The following FBXO17 variants were observed in gnomAD, a reference collection of about 807,000 sequenced individuals.
FBXO17 encodes F-box only protein 17.
A neutral mutation model predicts 34.1 loss-of-function variants in FBXO17; 43 were observed. The ratio of observed to expected loss-of-function variants is 1.26; its 90% CI spans 0.99 to 1.62. The LOEUF (loss-of-function observed/expected upper bound fraction) is 1.62. FBXO17 is among the 40% of genes most tolerant of loss of function. The pLI, the probability that FBXO17 is intolerant of heterozygous loss-of-function variation, is 0.00. For synonymous variants in FBXO17, 169 were observed against 166.0 expected, an observed-to-expected ratio of 1.02 and a Z score of -0.14; for missense variants, 424 against 386.7, an observed-to-expected ratio of 1.10 and a Z score of -0.81.
chr19:38,952,850 C>G (rs547940009), intron 1 of FBXO17: 1 of 456,962 alleles, frequency 2.2e-6, no homozygotes, highest in South Asian at 1.5e-5. Flanking sequence ...CCACCCATCA[C>G]TTTTTCTTTC....
At chr19:38,947,928 T>C (rs1049249345) in intron 3 of FBXO17, among the ~76,000 whole-genome samples, 1 of 151,438 alleles carries the variant, frequency 6.6e-6, no homozygotes. Context: ...TTGCCAGAAT[T>C]ATATGTAAAG....
intron 5 of FBXO17, 141 bp from the exon 6 acceptor site, chr19:38,942,892 A>C: frequency 1.0e-5 from 10 of 996,842 alleles, no homozygotes; most frequent in Admixed American, 3.8e-5. Context: ...AAAACCGGAA[A>C]AGGACCCCGC....
chr19:38,949,018 C>T (rs1203284135), intron 2 of FBXO17, among the ~76,000 whole-genome samples: 2 of 152,210 alleles, frequency 1.3e-5, no homozygotes, highest in African/African-American at 4.8e-5. Context: ...CAGCCTCAAA[C>T]TCCTGGGCTC....
intron 1 of FBXO17, among the ~76,000 whole-genome samples, chr19:38,973,574 T>C (rs1348279453): frequency 7.9e-5 from 12 of 152,306 alleles, no homozygotes; most frequent in Non-Finnish European, 4.4e-5. Flanking sequence ...ACTTTTATTA[T>C]AGAAAAAATT....
chr19:38,942,773 G>C (rs1012003844), intron 5 of FBXO17, 22 bp from the exon 6 acceptor site: 8 of 1,591,836 alleles, frequency 5.0e-6, no homozygotes, highest in African/African-American at 2.7e-5. Context: ...AGGGGAGTGA[G>C]AGGGTGAGGG....
intron 1 of FBXO17, among the ~76,000 whole-genome samples, chr19:38,953,588 G>C (rs1356563377): frequency 6.6e-6 from 1 of 151,962 alleles, no homozygotes; most frequent in African/African-American, 2.4e-5. Flanking sequence ...TTGAACCCAG[G>C]AGGCAGAGGT....
chr19:38,950,980 CG>C (rs1457043759), intron 1 of FBXO17, among the ~76,000 whole-genome samples: 1 of 151,518 alleles, frequency 6.6e-6, no homozygotes, highest in Non-Finnish European at 1.5e-5. Context: ...TTAGTAGAGA[CG>C]GGGTTTCACC....
chr19:38,963,234 G>A (rs1228931022), intron 1 of FBXO17, among the ~76,000 whole-genome samples: 1 of 151,726 alleles, frequency 6.6e-6, no homozygotes, highest in African/African-American at 2.4e-5. Context: ...TCCTTGAGTT[G>A]TAGGCATGGC....
At chr19:38,952,531 T>C (rs1380261082) in intron 1 of FBXO17, 3 of 534,452 alleles carry the variant, frequency 5.6e-6, no homozygotes, top group Admixed American at 1.9e-5. Flanking sequence ...CCATTCTCCC[T>C]CCACCCTCCC....
chr19:38,975,121 T>C lies in FBXO17; in HGVS notation c.-18+465A>G, dbSNP rs555991165. 6.5e-4 allele frequency among the ~76,000 whole-genome samples: 99 copies of C among 152,286 alleles called. No homozygotes were observed. The highest frequency in any genetic ancestry group is 1.7e-3 in the South Asian group (8 of 4,824). On this transcript the variant is annotated intron_variant, in intron 1 of 5. Coordinates refer to ENST00000292852, the MANE Select transcript of FBXO17 (RefSeq NM_024907.7). This position sits in a 1 kb window ranked among gnomAD's most constrained non-coding sequence, Gnocchi z 4.9. ...AGCGAAACACATAATGTGCCCAAGT[T>C]GCTAAATCGAGAAACCGCCCTCCAA...
At chr19:38,946,441 G>A in intron 4 of FBXO17, 31 bp downstream of exon 4, 8 of 1,613,482 alleles carry the variant, frequency 5.0e-6, no homozygotes, top group Non-Finnish European at 6.8e-6. Flanking sequence ...GCCTGCTGCT[G>A]CTCTGGGGCA....
At chr19:38,968,540 G>T (rs904237868) in intron 1 of FBXO17, among the ~76,000 whole-genome samples, 7 of 150,942 alleles carry the variant, frequency 4.6e-5, no homozygotes, top group Non-Finnish European at 7.4e-5. Context: ...ATGAAACCTA[G>T]CAATTCTACG....
At chr19:38,961,505 C>T (rs1219809356) in intron 1 of FBXO17, among the ~76,000 whole-genome samples, 2 of 151,784 alleles carry the variant, frequency 1.3e-5, no homozygotes, top group African/African-American at 2.4e-5. Flanking sequence ...AAACTCCTGA[C>T]CTCAGGTGAT....
intron 5 of FBXO17, among the ~76,000 whole-genome samples, chr19:38,943,669 A>C (rs971990245): frequency 6.6e-6 from 1 of 151,972 alleles, no homozygotes; most frequent in African/African-American, 2.4e-5. Context: ...AGCTCACTGC[A>C]ACCTCCACCT....
chr19:38,969,588 CTTTT>C (rs67681512), intron 1 of FBXO17, among the ~76,000 whole-genome samples: 3 of 103,568 alleles, frequency 2.9e-5, no homozygotes, highest in Non-Finnish European at 5.6e-5. Context: ...AACCACTGGG[CTTTT>C]TTTTTTTTTT....
At chr19:38,966,293 T>TTGTGTGTGAG (rs1975319820) in intron 1 of FBXO17, among the ~76,000 whole-genome samples, 1 of 142,942 alleles carries the variant, frequency 7.0e-6, no homozygotes, top group East Asian at 2.0e-4. Flanking sequence ...ATTAAAAATT[T>TTGTGTGTGAG]TGTGTGTGTG....
In FBXO17 at chr19:38,960,952, G is replaced by A. The variant is rs138349186; in HGVS notation, c.-17-10616C>T. ...CTTCTGAGTAACTGGGATCACAGGT[G>A]CGCACCACCACGCCAGGCTGATTTT... On this transcript the variant is annotated intron_variant, in intron 1 of 5. Coordinates refer to ENST00000292852, the MANE Select transcript of FBXO17 (RefSeq NM_024907.7). Among the ~76,000 whole-genome samples, 202 of 151,918 alleles carry A rather than the reference G, an allele frequency of 1.3e-3. 1 individual carries two copies. Among genetic ancestry groups the A allele is most frequent in the African/African-American group, 3.7e-3 (154 of 41,416 alleles).
At chr19:38,949,380 G>A (rs1975035884) in intron 2 of FBXO17, among the ~76,000 whole-genome samples, 1 of 152,012 alleles carries the variant, frequency 6.6e-6, no homozygotes, top group African/African-American at 2.4e-5. Context: ...GATTACAGGC[G>A]TGAGCCACTG....
intron 1 of FBXO17, among the ~76,000 whole-genome samples, chr19:38,955,296 A>G (rs1380972316): frequency 6.6e-6 from 1 of 151,202 alleles, no homozygotes; most frequent in Admixed American, 6.6e-5. Flanking sequence ...TGGTGTGATC[A>G]TGGCTCACTG....
Sources: gnomAD v4.1 joint callset for allele counts (sites outside exome capture counted in the v4.1 genomes callset) on GRCh38, gnomAD v4.1.1 for gene constraint, Gnocchi (gnomAD v3.1) non-coding constraint, MANE v1.5 for transcripts, NCBI Gene and HGNC (gene_info 2026-07-23, HGNC 2026-07-21) for gene names.